Variants in CNTNAP2 observed in about 807,000 individuals in gnomAD.
CNTNAP2 encodes contactin-associated protein-like 2.
In CNTNAP2, 98 loss-of-function variants were observed where a neutral mutation model predicts 155.2. The ratio of observed to expected loss-of-function variants is 0.63; its 90% confidence interval spans 0.54 to 0.75. The LOEUF (loss-of-function observed/expected upper bound fraction) is 0.75, where lower values mean the gene tolerates loss of function less well. CNTNAP2 is among the 30% of genes least tolerant of loss of function. The pLI is 0.00. For synonymous variants in CNTNAP2, 651 were observed against 631.2 expected (o/e 1.03, Z -0.47); for missense variants, 1,727 against 1,688.1 (o/e 1.02, Z -0.40).
chr7:146,982,824 G>A (rs561030679), intron 3 of CNTNAP2, among the ~76,000 whole-genome samples: 1 of 152,164 alleles, frequency 6.6e-6, no homozygotes, highest in Admixed American at 6.5e-5. Context: ...TTTTGCATTT[G>A]GATTAACAGC....
At chr7:146,248,696 G>A (rs912547062) in intron 1 of CNTNAP2, among the ~76,000 whole-genome samples, 10 of 152,154 alleles carry the variant, frequency 6.6e-5, no homozygotes, top group African/African-American at 2.2e-4. Flanking sequence ...GATGTTTACT[G>A]GGCTGGTCGG....
chr7:148,285,058 C>A (rs1005415502), intron 21 of CNTNAP2, among the ~76,000 whole-genome samples: 7 of 152,176 alleles, frequency 4.6e-5, no homozygotes, highest in African/African-American at 1.7e-4. Context: ...TCTTAAAAAT[C>A]TATAGGGTGT....
At chr7:146,418,629 T>C (rs1795969414) in intron 1 of CNTNAP2, among the ~76,000 whole-genome samples, 1 of 152,158 alleles carries the variant, frequency 6.6e-6, no homozygotes, top group East Asian at 1.9e-4. Flanking sequence ...TACTCTAAAA[T>C]ATATACAGGG....
chr7:146,589,728 C>T (rs1387023058), intron 1 of CNTNAP2, among the ~76,000 whole-genome samples: 1 of 145,988 alleles, frequency 6.8e-6, no homozygotes, highest in East Asian at 2.0e-4. Context: ...GCACATGTAT[C>T]CCAGAATGTA....
intron 2 of CNTNAP2, among the ~76,000 whole-genome samples, chr7:146,797,943 AT>A (rs1345355840): frequency 1.3e-5 from 2 of 152,166 alleles, no homozygotes. Flanking sequence ...TGTCTTAACC[AT>A]TTTTGCCACA....
At chr7:148,206,083 G>A (rs978583107) in intron 18 of CNTNAP2, among the ~76,000 whole-genome samples, 3 of 151,170 alleles carry the variant, frequency 2.0e-5, no homozygotes, top group South Asian at 2.1e-4. Flanking sequence ...AATTACTTGT[G>A]TGTATACAAA....
At chr7:147,801,733 A>G (rs1406187130) in intron 13 of CNTNAP2, among the ~76,000 whole-genome samples, 2 of 152,178 alleles carry the variant, frequency 1.3e-5, no homozygotes, top group Non-Finnish European at 2.9e-5. Flanking sequence ...CTTTCTACAC[A>G]GACACGGCAA....
intron 10 of CNTNAP2, among the ~76,000 whole-genome samples, chr7:147,461,115 C>T (rs1034499191): frequency 7.2e-5 from 11 of 152,078 alleles, no homozygotes; most frequent in Admixed American, 6.5e-4. Flanking sequence ...AAATCTGTCA[C>T]GACACTTGAA....
intron 3 of CNTNAP2, among the ~76,000 whole-genome samples, chr7:146,999,271 G>A (rs1056301068): frequency 4.0e-4 from 59 of 146,360 alleles, no homozygotes; most frequent in Non-Finnish European, 7.2e-4. Context: ...CAAAGCAAAA[G>A]CAAAAATGTT....
At chr7:147,864,536 G>A (rs1039905886) in intron 13 of CNTNAP2, among the ~76,000 whole-genome samples, 1 of 151,716 alleles carries the variant, frequency 6.6e-6, no homozygotes. Flanking sequence ...CCATTTTCAT[G>A]ATATTGATTC....
chr7:147,508,733 C>T (rs1297015006), intron 11 of CNTNAP2, among the ~76,000 whole-genome samples: 2 of 152,108 alleles, frequency 1.3e-5, no homozygotes, highest in Non-Finnish European at 2.9e-5. Flanking sequence ...GAATACGTCT[C>T]ATGAGATCTG....
intron 12 of CNTNAP2, among the ~76,000 whole-genome samples, chr7:147,578,308 C>A (rs574070618): frequency 1.3e-5 from 2 of 152,048 alleles, no homozygotes; most frequent in Non-Finnish European, 2.9e-5. Flanking sequence ...TTTCTTGTTT[C>A]AAGCCTTGGG....
chr7:146,226,637 G>A (rs1353276959), intron 1 of CNTNAP2, among the ~76,000 whole-genome samples: 1 of 152,158 alleles, frequency 6.6e-6, no homozygotes, highest in Non-Finnish European at 1.5e-5. Flanking sequence ...TCCAGCCTGG[G>A]AGACAGAGTG....
chr7:146,647,088 G>T (rs1298772394), intron 1 of CNTNAP2, among the ~76,000 whole-genome samples: 3 of 152,178 alleles, frequency 2.0e-5, no homozygotes, highest in African/African-American at 7.2e-5. Context: ...TTGACTGAGG[G>T]CAGAGTCTGT....
chr7:147,449,282 T>C (rs1339184491), intron 10 of CNTNAP2, among the ~76,000 whole-genome samples: 1 of 152,124 alleles, frequency 6.6e-6, no homozygotes, highest in Admixed American at 6.6e-5. Context: ...GAACATAAAA[T>C]GCAAAAGCAT....
chr7:146,772,292 G>A (rs1802305764), intron 1 of CNTNAP2, among the ~76,000 whole-genome samples: 1 of 152,094 alleles, frequency 6.6e-6, no homozygotes, highest in African/African-American at 2.4e-5. Context: ...ACATTGAGCA[G>A]AGACCTGTGA....
At chr7:147,575,263 T>C (rs1299814981) in intron 12 of CNTNAP2, among the ~76,000 whole-genome samples, 11 of 140,628 alleles carry the variant, frequency 7.8e-5, no homozygotes, top group Non-Finnish European at 1.5e-5. Context: ...GTGTATTCCC[T>C]AGCTTTAGGA....
chr7:146,867,761 C>G (rs1795233497), intron 3 of CNTNAP2, among the ~76,000 whole-genome samples: 1 of 136,858 alleles, frequency 7.3e-6, no homozygotes, highest in African/African-American at 2.7e-5. Context: ...TTGCAGTTCT[C>G]TAATGATCAG....
intron 1 of CNTNAP2, among the ~76,000 whole-genome samples, chr7:146,714,564 G>T (rs1801154618): frequency 6.6e-6 from 1 of 152,134 alleles, no homozygotes; most frequent in Admixed American, 6.6e-5. Context: ...TTAACACAAT[G>T]CTTCATGTAC....
Sources: allele counts gnomAD v4.1 joint callset (sites outside exome capture counted in the v4.1 genomes callset), GRCh38; gene constraint gnomAD v4.1.1; transcripts MANE v1.5; gene names NCBI Gene and HGNC (gene_info 2026-07-23, HGNC 2026-07-21).